Variants in SDK1 observed in about 807,000 individuals in gnomAD.
SDK1 encodes sidekick cell adhesion molecule 1, also known as protein sidekick-1.
SDK1 carries 157 observed loss-of-function variants against 245.5 expected under a neutral mutation model. The ratio of observed to expected loss-of-function variants is 0.64; its 90% CI spans 0.56 to 0.73. The LOEUF (loss-of-function observed/expected upper bound fraction) is 0.73. Among genes scored for constraint, SDK1 ranks in the 30% least tolerant of loss-of-function variants. The pLI, the probability that SDK1 is intolerant of heterozygous loss-of-function variation, is 0.00. For missense variants in SDK1, 3,583 were observed against 3,002.3 expected, an observed-to-expected ratio of 1.19 and a Z score of -4.52; for synonymous variants, 1,647 against 1,278.5, an observed-to-expected ratio of 1.29 and a Z score of -6.15.
At chr7:4,043,390 T>G (rs1313535492) in intron 17 of SDK1, among the ~76,000 whole-genome samples, 1 of 141,502 alleles carries the variant, frequency 7.1e-6, no homozygotes, top group South Asian at 2.3e-4. Flanking sequence ...AGCCAGGGAC[T>G]CAGGCAGAGT....
chr7:3,988,132 GTT>G (rs71032919), intron 14 of SDK1, among the ~76,000 whole-genome samples: 14,079 of 84,916 alleles, frequency 0.17, 829 homozygotes, highest in South Asian at 0.21. Flanking sequence ...TCTTTTTAAT[GTT>G]TTTTTTTTTT....
intron 5 of SDK1, among the ~76,000 whole-genome samples, chr7:3,943,567 G>C (rs922522893): frequency 6.6e-6 from 1 of 150,470 alleles, no homozygotes; most frequent in East Asian, 2.0e-4. Flanking sequence ...TTCCTAGCGC[G>C]GAGGCTCCCT....
intron 5 of SDK1, among the ~76,000 whole-genome samples, chr7:3,899,452 G>A (rs1009633585): frequency 2.6e-5 from 4 of 152,246 alleles, no homozygotes; most frequent in East Asian, 1.9e-4. Flanking sequence ...ATTTTCTCTC[G>A]GCATCAGCTT....
At chr7:3,619,866 A>G (rs549951502) in intron 2 of SDK1, among the ~76,000 whole-genome samples, 1 of 152,350 alleles carries the variant, frequency 6.6e-6, no homozygotes, top group East Asian at 1.9e-4. Flanking sequence ...AGATCAGGGT[A>G]AGACTGAGGT....
chr7:4,054,377 A>G (rs577020260), intron 19 of SDK1, among the ~76,000 whole-genome samples: 28 of 152,322 alleles, frequency 1.8e-4, no homozygotes, highest in African/African-American at 6.7e-4. Context: ...CACGTCCAGG[A>G]TATTGACACT....
At chr7:4,061,282 T>C (rs888968951) in intron 19 of SDK1, among the ~76,000 whole-genome samples, 5 of 152,174 alleles carry the variant, frequency 3.3e-5, no homozygotes, top group Non-Finnish European at 7.3e-5. Flanking sequence ...GAGCATGGAA[T>C]GTTCTTCCAT....
At chr7:3,833,214 A>G (rs1779952050) in intron 5 of SDK1, among the ~76,000 whole-genome samples, 1 of 152,172 alleles carries the variant, frequency 6.6e-6, no homozygotes, top group South Asian at 2.1e-4. Flanking sequence ...GTCGAACTTA[A>G]AGAGTAGGAG....
chr7:3,500,857 G>A (rs768733096), intron 1 of SDK1, among the ~76,000 whole-genome samples: 1 of 151,096 alleles, frequency 6.6e-6, no homozygotes, highest in African/African-American at 2.4e-5. Flanking sequence ...CTTTCTGGGA[G>A]ATTTCATTTT....
intron 4 of SDK1, among the ~76,000 whole-genome samples, chr7:3,691,800 C>T (rs1446429653): frequency 6.6e-6 from 1 of 152,114 alleles, no homozygotes; most frequent in Non-Finnish European, 1.5e-5. Context: ...AGAGTTAATA[C>T]TTGGCTTATC....
chr7:3,665,153 G>A (rs1783487589), intron 4 of SDK1, among the ~76,000 whole-genome samples: 1 of 152,182 alleles, frequency 6.6e-6, no homozygotes. Flanking sequence ...CCTATGTGAA[G>A]TAGGTCCCAG....
intron 38 of SDK1, among the ~76,000 whole-genome samples, chr7:4,217,695 C>A (rs1299187400): frequency 6.6e-6 from 1 of 152,204 alleles, no homozygotes; most frequent in African/African-American, 2.4e-5. Context: ...GATTTTATGG[C>A]AGAGCTATTT....
At chr7:3,961,635 A>G (rs1430530617) in intron 8 of SDK1, among the ~76,000 whole-genome samples, 1 of 152,164 alleles carries the variant, frequency 6.6e-6, no homozygotes, top group Non-Finnish European at 1.5e-5. Context: ...GACCCTTAAC[A>G]AGGTTACTTA....
chr7:3,438,323 C>G (rs1467504225), intron 1 of SDK1, among the ~76,000 whole-genome samples: 1 of 152,218 alleles, frequency 6.6e-6, no homozygotes, highest in South Asian at 2.1e-4. Context: ...TCTGCTATAT[C>G]TATCACCTTC....
At chr7:3,649,120 G>A (rs1292668821) in intron 4 of SDK1, among the ~76,000 whole-genome samples, 1 of 152,110 alleles carries the variant, frequency 6.6e-6, no homozygotes, top group Non-Finnish European at 1.5e-5. Flanking sequence ...CTCAGTGGGT[G>A]TGTTCTGATA....
chr7:3,838,624 A>G (rs1780081381), intron 5 of SDK1, among the ~76,000 whole-genome samples: 1 of 152,148 alleles, frequency 6.6e-6, no homozygotes, highest in Non-Finnish European at 1.5e-5. Flanking sequence ...TCAGGGTTCC[A>G]CATAAACACT....
intron 4 of SDK1, among the ~76,000 whole-genome samples, chr7:3,678,785 G>T (rs7810971): frequency 0.71 from 108,112 of 152,050 alleles, 38,748 homozygotes; most frequent in East Asian, 0.77. Context: ...ATAGATTTCA[G>T]GCATATTTTA....
chr7:4,077,206 G>A lies in SDK1; in HGVS notation c.3202+17G>A, dbSNP rs761480167. ...TGCCCCCAGGTCAGTAGAATCGTGT[G>A]CGGTCCTCCTGCTGTCACCTTTCTC... On this transcript the variant is annotated intron_variant, in intron 21 of 44. Transcript: ENST00000404826. 1.4e-5 allele frequency: 23 copies of A among 1,610,530 alleles called. No individual in the cohort carries two copies. The highest frequency in any genetic ancestry group is 1.7e-5 in the Admixed American group (1 of 59,846).
chr7:3,350,825 TTAG>T (rs1263359209), intron 1 of SDK1, among the ~76,000 whole-genome samples: 3 of 152,194 alleles, frequency 2.0e-5, no homozygotes, highest in African/African-American at 7.2e-5. Context: ...CTGAAAAAAA[TTAG>T]TAGGACTGTT....
At chr7:3,764,925 A>AT (rs1213871087) in intron 4 of SDK1, among the ~76,000 whole-genome samples, 3 of 152,098 alleles carry the variant, frequency 2.0e-5, no homozygotes, top group Admixed American at 2.0e-4. Context: ...GGAAAGTATT[A>AT]TTTTTCATAA....
Sources: allele counts gnomAD v4.1 joint callset (sites outside exome capture counted in the v4.1 genomes callset), GRCh38; gene constraint gnomAD v4.1.1; transcripts MANE v1.5; gene names NCBI Gene and HGNC (gene_info 2026-07-23, HGNC 2026-07-21).